Variants in KRT84 observed in about 807,000 individuals in gnomAD.
The protein encoded by KRT84 is keratin 84.
In KRT84, 38 loss-of-function variants were observed where a neutral mutation model predicts 49.0. The observed-to-expected ratio is 0.78, with a 90% CI of 0.60 to 1.02. The LOEUF (loss-of-function observed/expected upper bound fraction) is 1.02. Ranked by LOEUF, KRT84 falls within the 50% of genes least tolerant of loss-of-function variation. KRT84 has a pLI of 0.00. For missense variants in KRT84, 860 were observed against 788.6 expected, an observed-to-expected ratio of 1.09 and a Z score of -1.08; for synonymous variants, 334 against 312.8, an observed-to-expected ratio of 1.07 and a Z score of -0.72.
chr12:52,383,018 A>G lies in KRT84; in HGVS notation c.803T>C (p.Val268Ala). ...VCRANAENEF[V>A]ALKKDVDAAF... ...GTTCCCCCTTACCTTCTTCAGAGCCACAAACTCATTCTCAGCATTGGCCCG... is the reference window on the plus strand; with the variant it reads ...GTTCCCCCTTACCTTCTTCAGAGCCGCAAACTCATTCTCAGCATTGGCCCG... The change falls in exon 3 of 9, where the codon GTG (valine) becomes GCG (alanine). Residue 268 changes from valine (V) to alanine (A), a missense_variant. By Grantham distance (64) the Val-to-Ala change is moderately conservative (BLOSUM62 0). Transcript: ENST00000257951. 6 of 1,613,962 alleles carry G rather than the reference A, an allele frequency of 3.7e-6. No homozygotes were observed. Among genetic ancestry groups the G allele is most frequent in the Non-Finnish European group, 5.1e-6 (6 of 1,179,972 alleles).
rs1323510710 is a variant in KRT84, at chr12:52,378,396, G to A, written c.1457-16C>T. The A allele has an allele frequency of 1.0e-5, 15 of 1,441,908 alleles. No homozygotes were observed. The African/African-American group carries it at 1.4e-4, about 14-fold the overall frequency. The allele number at this position is 1,441,908 out of a possible 1,614,324, so 89.3% of individuals were successfully genotyped here. On this transcript the variant is annotated splice_polypyrimidine_tract_variant and intron_variant, in intron 8 of 8. Coordinates refer to ENST00000257951, the MANE Select transcript of KRT84 (RefSeq NM_033045.4). ...CTGCTGACGGCTGCGGAGAAAGAAA[G>A]CATCAGGGAGGCTGCCGACACCAGG...
chr12:52,380,653 G>C (rs1053924327), intron 6 of KRT84, 70 bp from the exon 7 acceptor site: 11 of 1,445,424 alleles, frequency 7.6e-6, no homozygotes, highest in South Asian at 4.0e-5. Flanking sequence ...TTAGAAACAC[G>C]GCCCCTCTTA....
chr12:52,381,571 A>C (rs981429477), intron 4 of KRT84, 46 bp from the exon 5 acceptor site: 3 of 1,591,864 alleles, frequency 1.9e-6, no homozygotes, highest in Non-Finnish European at 2.6e-6. Context: ...AGTCTCATTT[A>C]GTAGCTGGGA....
chr12:52,384,621 A>G lies in KRT84; in HGVS notation c.546+419T>C, dbSNP rs529841113. Among the ~76,000 whole-genome samples, 5 of 152,352 alleles carry G rather than the reference A, an allele frequency of 3.3e-5. No homozygotes were observed. In the East Asian group the frequency reaches 7.7e-4, roughly 23 times the overall value. Reference sequence around the variant, plus strand: ...ATGAGGCCACTCAGCCTCAGAAACTATGAAAACTTCATAAGGAACAAAAGG... The same window carrying G: ...ATGAGGCCACTCAGCCTCAGAAACTGTGAAAACTTCATAAGGAACAAAAGG... On this transcript the variant is annotated intron_variant, in intron 1 of 8. Coordinates refer to ENST00000257951, the MANE Select transcript of KRT84 (RefSeq NM_033045.4).
intron 1 of KRT84, 50 bp from the exon 2 acceptor site, chr12:52,383,848 A>G (rs757851660): frequency 8.1e-6 from 12 of 1,488,204 alleles, no homozygotes; most frequent in African/African-American, 4.3e-5. Context: ...GATAGGGTTC[A>G]TGCCTTGACC....
intron 1 of KRT84, 86 bp from the exon 2 acceptor site, chr12:52,383,884 C>T (rs1239213584): frequency 9.2e-7 from 1 of 1,090,288 alleles, no homozygotes; most frequent in African/African-American, 1.6e-5. Context: ...CCAGCGATGA[C>T]TTGACCACAT....
chr12:52,378,471 G>A, intron 8 of KRT84, 91 bp from the exon 9 acceptor site: 1 of 630,156 alleles, frequency 1.6e-6, no homozygotes, highest in East Asian at 4.2e-5. Context: ...GTCTGGTGGG[G>A]AGGGAGTGGG....
In KRT84 at chr12:52,377,936, TG is replaced by T; in HGVS notation, c.*97del. ...GTGGCTTCCTGGCAGAAAGGGGAGCTGGAGACCGTCAAGCCCAGAGCCCACG... is the reference window on the plus strand; with the variant it reads ...GTGGCTTCCTGGCAGAAAGGGGAGCTGAGACCGTCAAGCCCAGAGCCCACG... On this transcript the variant is annotated 3_prime_UTR_variant, in exon 9 of 9. Coordinates refer to ENST00000257951, the MANE Select transcript of KRT84 (RefSeq NM_033045.4). 1.1e-6 allele frequency: 1 copy of T among 900,386 alleles called. No individual in the cohort carries two copies. The highest frequency in any genetic ancestry group is 1.5e-6 in the Non-Finnish European group (1 of 647,136). The allele number at this position is 900,386 out of a possible 1,614,324, so 55.8% of individuals were successfully genotyped here. A position where few individuals can be genotyped will look rare whatever the true frequency, so the allele number is the denominator to read the frequency against.
chr12:52,382,593 G>C, intron 3 of KRT84, 61 bp from the exon 4 acceptor site: 2 of 1,361,468 alleles, frequency 1.5e-6, no homozygotes, highest in Non-Finnish European at 2.1e-6. Context: ...CTTCCCACCT[G>C]TGTCTGGAGA....
At position 52,378,224 on chromosome 12, in the gene KRT84, C is replaced by G; in HGVS notation, c.1613G>C (p.Arg538Pro). Residue 538 changes from arginine (R) to proline (P), a missense_variant, in exon 9 of 9, where the codon CGG becomes CCG. Transcript: ENST00000257951. Reference sequence around the variant, plus strand: ...CAGGTCCCCAGTGGCCGGGGCGACCCGGGCTCCACCCAGGCTGGGGCCACA... The same window carrying G: ...CAGGTCCCCAGTGGCCGGGGCGACCGGGGCTCCACCCAGGCTGGGGCCACA... Reference protein sequence around the residue: ...ASCGPSLGGARVAPATGDLLS... With the variant: ...ASCGPSLGGAPVAPATGDLLS... The G allele has an allele frequency of 6.4e-7, 1 of 1,568,130 alleles. No homozygotes were observed. Among genetic ancestry groups the G allele is most frequent in the Non-Finnish European group, 8.6e-7 (1 of 1,158,020 alleles).
intron 1 of KRT84, 71 bp from the exon 2 acceptor site, chr12:52,383,869 G>T (rs777313706): frequency 5.2e-5 from 63 of 1,222,086 alleles, no homozygotes; most frequent in Non-Finnish European, 6.9e-5. Flanking sequence ...AAGCTCTTGA[G>T]ATGGCCAGCG....
intron 6 of KRT84, 24 bp downstream of exon 6, chr12:52,381,056 C>T (rs750155297): frequency 2.5e-6 from 4 of 1,611,544 alleles, no homozygotes; most frequent in Non-Finnish European, 1.7e-6. Flanking sequence ...TCATCTGAGG[C>T]TTTCCCTCCT....
In KRT84 at chr12:52,381,429, C is replaced by G. The variant is rs1449607884; in HGVS notation, c.1009G>C (p.Val337Leu). The change falls in exon 5 of 9, where the codon GTC (valine) becomes CTC (leucine). Residue 337 changes from valine to leucine, a missense_variant. Coordinates refer to ENST00000257951, the MANE Select transcript of KRT84 (RefSeq NM_033045.4). Reference sequence around the variant, plus strand: ...GCCACCTCCTCATACTGGGCCTTGACCTCAGCAATGATCCCATCAAGGTTC... The same window carrying G: ...GCCACCTCCTCATACTGGGCCTTGAGCTCAGCAATGATCCCATCAAGGTTC... ...DLNLDGIIAE[V>L]KAQYEEVARR... is the part of the protein sequence containing the mutation. 3.1e-6 allele frequency: 5 copies of G among 1,614,198 alleles called. No individual in the cohort carries two copies. The highest frequency in any genetic ancestry group is 1.6e-4 in the Middle Eastern group (1 of 6,062).
rs368100864 is a variant in KRT84, at chr12:52,378,132, G to A, written c.1705C>T (p.Pro569Ser). The change falls in exon 9 of 9, where the codon CCC becomes TCC. Residue 569 changes from proline to serine, a missense_variant. Transcript: ENST00000257951. ...CTGAAGCCCCCCTGGGTGGGCAGGG[G>A]GCAGGGGACGCTGGGGACACAGGCC... is the stretch of plus-strand genomic sequence containing the variant. ...SEACVPSVPCPLPTQGGFSSC... is the reference protein window; with the variant it reads ...SEACVPSVPCSLPTQGGFSSC... The A allele has an allele frequency of 3.1e-5, 49 of 1,562,090 alleles. No homozygotes were observed. The East Asian group carries it at 4.8e-4, about 15-fold the overall frequency.
Position 52,378,317 on chromosome 12 carries a change from A to G in KRT84, c.1520T>C (p.Leu507Pro), listed in dbSNP as rs1939422188. The G allele has an allele frequency of 6.5e-7, 1 of 1,533,246 alleles. No homozygotes were observed. The allele number at this position is 1,533,246 out of a possible 1,614,324, so 95.0% of individuals were successfully genotyped here. ...TGAGAAGGTGACCCCGCCGCGGGAG[A>G]GGGTGGAGCCGGCAACCAAAGGCTC... ...GPEPLVAGSTLSRGGVTFSGS... is the reference protein window; with the variant it reads ...GPEPLVAGSTPSRGGVTFSGS... Residue 507 changes from leucine to proline, a missense_variant, in exon 9 of 9, where the codon CTC becomes CCC. Physicochemically the swap from Leu to Pro is moderately conservative, Grantham distance 98. Transcript: ENST00000257951.
chr12:52,378,407 G>C, intron 8 of KRT84, 27 bp from the exon 9 acceptor site: 1 of 1,431,852 alleles, frequency 7.0e-7, no homozygotes, highest in Non-Finnish European at 9.1e-7. Flanking sequence ...CATCAGGGAG[G>C]CTGCCGACAC....
At chr12:52,381,275 G>A (rs1399949268) in intron 5 of KRT84, 70 bp from the exon 6 acceptor site, 4 of 1,609,312 alleles carry the variant, frequency 2.5e-6, no homozygotes, top group Non-Finnish European at 3.4e-6. Flanking sequence ...CTGAGTTGGG[G>A]GCTTCAAACC....
chr12:52,385,395 C>G lies in KRT84; in HGVS notation c.191G>C (p.Arg64Pro). Residue 64 changes from arginine to proline, a missense_variant, in exon 1 of 9, where the codon CGG (arginine) becomes CCG (proline). Physicochemically the swap from Arg to Pro is moderately radical, Grantham distance 103. Coordinates refer to ENST00000257951, the MANE Select transcript of KRT84 (RefSeq NM_033045.4). ...GGGCCGAGAGCCTACAGCTGCTATC[C>G]GGGGTGAGTACGATCCAAAGGTGAT... Reference protein sequence around the residue: ...SVITFGSYSPRIAAVGSRPIH... With the variant: ...SVITFGSYSPPIAAVGSRPIH... The G allele has an allele frequency of 6.2e-7, 1 of 1,614,178 alleles. No homozygotes were observed. The highest frequency in any genetic ancestry group is 8.5e-7 in the Non-Finnish European group (1 of 1,180,038).
At position 52,381,466 on chromosome 12, in the gene KRT84, G is replaced by A; in HGVS notation, c.972C>T (p.Asn324=). ...TCCCATCAAGGTTCAGGTCACGGCTGTTGTCCATCTTCACAATGACCGACG... is the reference window on the plus strand; with the variant it reads ...TCCCATCAAGGTTCAGGTCACGGCTATTGTCCATCTTCACAATGACCGACG... ...SETSVIVKMD[N]SRDLNLDGII... is the part of the protein sequence containing the mutation. The change falls in exon 5 of 9, where the codon AAC becomes AAT. Residue 324 remains asparagine, a synonymous_variant. Coordinates refer to ENST00000257951, the MANE Select transcript of KRT84 (RefSeq NM_033045.4). 6.2e-7 allele frequency: 1 copy of A among 1,614,166 alleles called. No homozygotes were observed. The highest frequency in any genetic ancestry group is 1.1e-5 in the South Asian group (1 of 91,070).
Sources: allele counts gnomAD v4.1 joint callset (sites outside exome capture counted in the v4.1 genomes callset), GRCh38; gene constraint gnomAD v4.1.1; transcripts MANE v1.5; gene names NCBI Gene and HGNC (gene_info 2026-07-23, HGNC 2026-07-21).